Variants in HPGDS observed in about 807,000 individuals in gnomAD.
HPGDS encodes GST class-sigma.
In HPGDS, 26 loss-of-function variants were observed where a neutral mutation model predicts 23.1. The observed-to-expected ratio is 1.13, with a 90% CI of 0.83 to 1.56. The LOEUF (loss-of-function observed/expected upper bound fraction) is 1.56. Among genes scored for constraint, HPGDS ranks in the 40% most tolerant of loss-of-function variants. The probability of loss-of-function intolerance (pLI) is 0.00; values close to 1 mark genes in which losing one functional copy is unlikely to be tolerated. For synonymous variants in HPGDS, 95 were observed against 77.9 expected (o/e 1.22, Z -1.16); for missense variants, 268 against 236.4 (o/e 1.13, Z -0.88).
chr4:94,301,245 A>G (rs1052454886), intron 5 of HPGDS, among the ~76,000 whole-genome samples: 1 of 152,190 alleles, frequency 6.6e-6, no homozygotes, highest in Non-Finnish European at 1.5e-5. Context: ...CCCTGAAGGT[A>G]GAGACCTCCA....
chr4:94,338,362 T>C (rs1229277339), intron 1 of HPGDS, among the ~76,000 whole-genome samples: 1 of 151,162 alleles, frequency 6.6e-6, no homozygotes. Flanking sequence ...GAGGCAGAGG[T>C]TGCAGTGAGC....
intron 1 of HPGDS, among the ~76,000 whole-genome samples, chr4:94,341,468 G>A (rs377145285): frequency 1.2e-4 from 18 of 152,074 alleles, no homozygotes; most frequent in East Asian, 7.7e-4. Context: ...GACTTCAGCC[G>A]AAATATTTTT....
intron 1 of HPGDS, among the ~76,000 whole-genome samples, chr4:94,335,288 G>A (rs75831537): frequency 0.042 from 6,382 of 152,260 alleles, 448 homozygotes; most frequent in African/African-American, 0.14. Flanking sequence ...CAGAGATGGG[G>A]CAATCTTCCT....
intron 3 of HPGDS, among the ~76,000 whole-genome samples, chr4:94,315,104 C>T (rs1170811948): frequency 6.6e-6 from 1 of 152,214 alleles, no homozygotes; most frequent in African/African-American, 2.4e-5. Context: ...GGCGATGCCT[C>T]ACCCTGTTTC....
chr4:94,313,764 T>G (rs2126038686), intron 3 of HPGDS, among the ~76,000 whole-genome samples: 1 of 152,314 alleles, frequency 6.6e-6, no homozygotes, highest in East Asian at 1.9e-4. Flanking sequence ...CCCCATCACT[T>G]TCAGGTACAC....
At chr4:94,305,174 G>T (rs1286159584) in intron 4 of HPGDS, among the ~76,000 whole-genome samples, 1 of 152,046 alleles carries the variant, frequency 6.6e-6, no homozygotes, top group Non-Finnish European at 1.5e-5. Context: ...ATACTTCAAA[G>T]TAGAGCCTGT....
In HPGDS at chr4:94,308,673, C is replaced by T; in HGVS notation, c.297G>A (p.Met99Ile). 3 of 1,608,732 alleles carry T rather than the reference C, an allele frequency of 1.9e-6. No homozygotes were observed. The highest frequency in any genetic ancestry group is 1.7e-4 in the Middle Eastern group (1 of 6,040). ...DAIVDTLDDF[M>I]SCFPWAEKKQ... ...TTTTCTCTGCCCAAGGAAAACATGACATGAAATCATCCAGAGTGTCCACAA... is the reference window on the plus strand; with the variant it reads ...TTTTCTCTGCCCAAGGAAAACATGATATGAAATCATCCAGAGTGTCCACAA... The change falls in exon 4 of 6, where the codon ATG (methionine) becomes ATA (isoleucine). Residue 99 changes from methionine to isoleucine, a missense_variant. Transcript: ENST00000295256.
chr4:94,304,234 A>G (rs1355801822), intron 4 of HPGDS, among the ~76,000 whole-genome samples: 1 of 152,074 alleles, frequency 6.6e-6, no homozygotes, highest in Non-Finnish European at 1.5e-5. Flanking sequence ...CACTACCAAA[A>G]TTATTTTGTG....
chr4:94,334,456 G>C (rs765305235), intron 2 of HPGDS, 41 bp downstream of exon 2: 2 of 1,511,652 alleles, frequency 1.3e-6, no homozygotes, highest in Non-Finnish European at 1.8e-6. Context: ...AAAAGGTTCT[G>C]AAAGCATATT....
intron 3 of HPGDS, among the ~76,000 whole-genome samples, chr4:94,313,008 C>T (rs1339360571): frequency 1.3e-5 from 2 of 152,016 alleles, no homozygotes; most frequent in Non-Finnish European, 2.9e-5. Context: ...TCCTCCATCC[C>T]TTTATTTTGA....
At chr4:94,340,341 T>C (rs1444974982) in intron 1 of HPGDS, among the ~76,000 whole-genome samples, 8 of 64,616 alleles carry the variant, frequency 1.2e-4, no homozygotes, top group South Asian at 6.7e-4. Flanking sequence ...TTTTTTTTTT[T>C]TTTTTTTTTT....
chr4:94,324,473 C>A (rs960916135), intron 2 of HPGDS, among the ~76,000 whole-genome samples: 2 of 152,126 alleles, frequency 1.3e-5, no homozygotes, highest in Non-Finnish European at 2.9e-5. Flanking sequence ...ACTCTTTTCT[C>A]TCTAAACTTC....
At position 94,334,798 on chromosome 4, in the gene HPGDS, A is replaced by G. The variant is rs1256580464; in HGVS notation, c.-9-160T>C. Among the ~76,000 whole-genome samples, 3 of 152,224 alleles carry G rather than the reference A, an allele frequency of 2.0e-5. No homozygotes were observed. The East Asian group carries it at 5.8e-4, about 29-fold the overall frequency. ...AAATTATAAATCACTATCTAATTAC[A>G]TACGGGGAAACTTGGTTGAAATCAG... On this transcript the variant is annotated intron_variant, in intron 1 of 5. Coordinates refer to ENST00000295256, the MANE Select transcript of HPGDS (RefSeq NM_014485.3).
chr4:94,307,839 C>T (rs1013474435), intron 4 of HPGDS, among the ~76,000 whole-genome samples: 2 of 152,148 alleles, frequency 1.3e-5, no homozygotes, highest in Non-Finnish European at 2.9e-5. Flanking sequence ...AAGCATACTA[C>T]AGTGCACAGT....
intron 4 of HPGDS, among the ~76,000 whole-genome samples, chr4:94,302,671 C>A (rs1357264874): frequency 6.6e-6 from 1 of 152,002 alleles, no homozygotes; most frequent in Non-Finnish European, 1.5e-5. Context: ...CTAGACTCTT[C>A]TAGTTTGGCA....
intron 3 of HPGDS, among the ~76,000 whole-genome samples, chr4:94,314,945 G>A (rs28521014): frequency 0.14 from 20,742 of 152,250 alleles, 1,743 homozygotes; most frequent in Non-Finnish European, 0.19. Flanking sequence ...AGCCAGGCAC[G>A]GGATATAATC....
At chr4:94,312,388 C>T (rs544167192) in intron 3 of HPGDS, among the ~76,000 whole-genome samples, 64 of 152,256 alleles carry the variant, frequency 4.2e-4, no homozygotes, top group African/African-American at 1.3e-3. Flanking sequence ...GCCTTCATTT[C>T]GTTATGTACC....
chr4:94,314,440 G>T (rs1056776098), intron 3 of HPGDS, among the ~76,000 whole-genome samples: 1 of 152,200 alleles, frequency 6.6e-6, no homozygotes, highest in African/African-American at 2.4e-5. Context: ...AGCAGCGGAG[G>T]CTGCAGAACA....
chr4:94,325,086 C>T (rs902413054), intron 2 of HPGDS, among the ~76,000 whole-genome samples: 14 of 152,322 alleles, frequency 9.2e-5, no homozygotes, highest in South Asian at 2.1e-4. Flanking sequence ...ATATCACCAG[C>T]GGAGGCTGCA....
Sources: allele counts gnomAD v4.1 joint callset (sites outside exome capture counted in the v4.1 genomes callset), GRCh38; gene constraint gnomAD v4.1.1; transcripts MANE v1.5; gene names NCBI Gene and HGNC (gene_info 2026-07-23, HGNC 2026-07-21).